The following UNC5D variants were observed in gnomAD, a reference collection of about 807,000 sequenced individuals.
UNC5D encodes unc-5 netrin receptor D.
UNC5D carries 39 observed loss-of-function variants against 105.4 expected under a neutral mutation model. The ratio of observed to expected loss-of-function variants is 0.37; its 90% CI spans 0.29 to 0.48. UNC5D has a LOEUF of 0.48. Ranked by LOEUF, UNC5D falls within the 20% of genes least tolerant of loss-of-function variation. UNC5D has a pLI of 0.98. For synonymous variants in UNC5D, 452 were observed against 450.4 expected (o/e 1.00, Z -0.04); for missense variants, 991 against 1,202.4 (o/e 0.82, Z 2.60).
chr8:35,328,368 G>A (rs1407605301), intron 1 of UNC5D, among the ~76,000 whole-genome samples: 1 of 152,106 alleles, frequency 6.6e-6, no homozygotes, highest in Non-Finnish European at 1.5e-5. Flanking sequence ...GGGAAGTAAA[G>A]TCAAATCATT....
intron 4 of UNC5D, among the ~76,000 whole-genome samples, chr8:35,645,531 G>GC (rs1219165780): frequency 6.7e-6 from 1 of 149,310 alleles, no homozygotes; most frequent in Non-Finnish European, 1.5e-5. Flanking sequence ...TGTGTGCTGT[G>GC]TGTGTGTGTG....
At chr8:35,525,581 C>G (rs1372405259) in intron 1 of UNC5D, 1 of 1,612,986 alleles carries the variant, frequency 6.2e-7, no homozygotes, top group Non-Finnish European at 8.5e-7. Flanking sequence ...CTGAAACATA[C>G]TGTAAGTTTA....
At chr8:35,578,150 A>G (rs1018369720) in intron 3 of UNC5D, among the ~76,000 whole-genome samples, 4 of 149,460 alleles carry the variant, frequency 2.7e-5, no homozygotes, top group Non-Finnish European at 5.9e-5. Flanking sequence ...GCTTGAACCC[A>G]GGAGGCTCAG....
chr8:35,277,852 G>A (rs1004851568), intron 1 of UNC5D, among the ~76,000 whole-genome samples: 11 of 152,178 alleles, frequency 7.2e-5, no homozygotes, highest in African/African-American at 2.7e-4. Context: ...GCTTTTCAAA[G>A]AGTAGCAATT....
chr8:35,774,197 T>C (rs2131739540), intron 15 of UNC5D, 102 bp from the exon 16 acceptor site: 1 of 1,326,546 alleles, frequency 7.5e-7, no homozygotes, highest in South Asian at 1.4e-5. Flanking sequence ...CAGGCAAGCA[T>C]TTTGTGCATG....
intron 11 of UNC5D, among the ~76,000 whole-genome samples, chr8:35,741,953 T>A (rs1158953300): frequency 1.3e-5 from 2 of 152,184 alleles, no homozygotes; most frequent in African/African-American, 2.4e-5. Flanking sequence ...ACATCACAGT[T>A]TTAGAACCAC....
intron 11 of UNC5D, among the ~76,000 whole-genome samples, chr8:35,747,019 C>A (rs1830042398): frequency 6.6e-6 from 1 of 152,176 alleles, no homozygotes; most frequent in Non-Finnish European, 1.5e-5. Flanking sequence ...CTTGCCTCCC[C>A]TACTTAAAGG....
At chr8:35,305,177 T>C (rs530872140) in intron 1 of UNC5D, among the ~76,000 whole-genome samples, 23 of 152,248 alleles carry the variant, frequency 1.5e-4, no homozygotes, top group African/African-American at 4.3e-4. Flanking sequence ...ATATTTGTTC[T>C]ATGTGACTCC....
At chr8:35,683,808 T>G (rs1001236110) in intron 5 of UNC5D, 81 bp downstream of exon 5, 1 of 1,316,836 alleles carries the variant, frequency 7.6e-7, no homozygotes, top group Non-Finnish European at 9.8e-7. Context: ...AAACTTTCAA[T>G]GTCGAGAGCT....
chr8:35,625,305 A>G (rs1821641762), intron 4 of UNC5D, among the ~76,000 whole-genome samples: 1 of 152,198 alleles, frequency 6.6e-6, no homozygotes, highest in Non-Finnish European at 1.5e-5. Flanking sequence ...TGGCACTTTA[A>G]TGGGTTCCCC....
chr8:35,573,597 G>A (rs1047363529), intron 3 of UNC5D, among the ~76,000 whole-genome samples: 6 of 152,154 alleles, frequency 3.9e-5, no homozygotes, highest in Non-Finnish European at 5.9e-5. Flanking sequence ...TTTCTGTTAC[G>A]TGGGAGTTTA....
At chr8:35,454,768 T>C (rs1012381256) in intron 1 of UNC5D, among the ~76,000 whole-genome samples, 2 of 152,142 alleles carry the variant, frequency 1.3e-5, no homozygotes, top group African/African-American at 4.8e-5. Flanking sequence ...TTGTATGCCT[T>C]TTTCCTGTTA....
chr8:35,647,982 G>T (rs1823163752), intron 4 of UNC5D, among the ~76,000 whole-genome samples: 1 of 152,112 alleles, frequency 6.6e-6, no homozygotes, highest in African/African-American at 2.4e-5. Flanking sequence ...GCAATAGTCA[G>T]GTCATTAATT....
intron 1 of UNC5D, among the ~76,000 whole-genome samples, chr8:35,341,082 A>ATT (rs1251186683): frequency 2.6e-5 from 4 of 152,278 alleles, no homozygotes; most frequent in South Asian, 4.1e-4. Context: ...ACCTGCTCCA[A>ATT]TAGCTGATGT....
intron 3 of UNC5D, among the ~76,000 whole-genome samples, chr8:35,578,972 C>T (rs957987796): frequency 6.6e-6 from 1 of 152,170 alleles, no homozygotes; most frequent in Non-Finnish European, 1.5e-5. Context: ...AAGGAAATCA[C>T]AGCTTAATTC....
chr8:35,499,201 G>C (rs1351082726), intron 1 of UNC5D, among the ~76,000 whole-genome samples: 1 of 152,198 alleles, frequency 6.6e-6, no homozygotes, highest in Non-Finnish European at 1.5e-5. Context: ...GCAAGATTCA[G>C]TTTTATTTTT....
chr8:35,788,119 CAACT>C (rs1412957065), intron 16 of UNC5D, among the ~76,000 whole-genome samples: 2 of 152,024 alleles, frequency 1.3e-5, no homozygotes, highest in African/African-American at 4.8e-5. Context: ...GTTTGGCAAC[CAACT>C]GACTGTAAAC....
chr8:35,357,543 A>T (rs528256001), intron 1 of UNC5D, among the ~76,000 whole-genome samples: 1 of 152,210 alleles, frequency 6.6e-6, no homozygotes, highest in South Asian at 2.1e-4. Context: ...GTGCAGTCTC[A>T]TTTTACCCTC....
chr8:35,760,803 T>A (rs1801494540), intron 14 of UNC5D, among the ~76,000 whole-genome samples: 1 of 151,864 alleles, frequency 6.6e-6, no homozygotes, highest in Non-Finnish European at 1.5e-5. Flanking sequence ...TAGACAGGTA[T>A]ACCAGCTTGT....
Sources: gnomAD v4.1 joint callset for allele counts (sites outside exome capture counted in the v4.1 genomes callset) on GRCh38, gnomAD v4.1.1 for gene constraint, MANE v1.5 for transcripts, NCBI Gene and HGNC (gene_info 2026-07-23, HGNC 2026-07-21) for gene names.